Variants in ARMC3 observed in about 807,000 individuals in gnomAD.
The protein encoded by ARMC3 is armadillo repeat-containing protein 3.
ARMC3 carries 74 observed loss-of-function variants against 90.3 expected under a neutral mutation model. That is an observed-to-expected ratio of 0.82 (90% CI 0.68 to 0.99). The LOEUF is 0.99. ARMC3 is among the 50% of genes least tolerant of loss of function. The pLI, the probability that ARMC3 is intolerant of heterozygous loss-of-function variation, is 0.00. For missense variants in ARMC3, 958 were observed against 1,042.8 expected, an observed-to-expected ratio of 0.92 and a Z score of 1.12; for synonymous variants, 334 against 361.8, an observed-to-expected ratio of 0.92 and a Z score of 0.87.
In ARMC3 at chr10:22,987,843, C is replaced by G. The variant is rs116201041; in HGVS notation, c.1175+6143C>G. Among the ~76,000 whole-genome samples, 1,402 of 152,262 alleles carry G rather than the reference C, an allele frequency of 9.2e-3. 28 individuals are homozygous for G. Among genetic ancestry groups the G allele is most frequent in the African/African-American group, 0.032 (1,327 of 41,552 alleles). On this transcript the variant is annotated intron_variant, in intron 10 of 18. Coordinates refer to ENST00000298032, the MANE Select transcript of ARMC3 (RefSeq NM_173081.5). ...ATGACAGCAGTGACCCAAGAAAGTT[C>G]TAAATGTTAGCACATATAGTGGTGA...
rs1835209611 is a variant in ARMC3 at position 22,961,870 on chromosome 10, G to C, written c.538-14G>C. On this transcript the variant is annotated splice_polypyrimidine_tract_variant and intron_variant, in intron 6 of 18. Coordinates refer to ENST00000298032, the MANE Select transcript of ARMC3 (RefSeq NM_173081.5). ...TGCTTAAAAAAATTATTGATCATCT[G>C]TATTTTGTGGCAGGATTTTCAGTGT... 1 of 1,578,664 alleles carries C rather than the reference G, an allele frequency of 6.3e-7. No individual in the cohort carries two copies.
At chr10:22,937,679 G>A (rs1834165312) in intron 2 of ARMC3, among the ~76,000 whole-genome samples, 1 of 152,140 alleles carries the variant, frequency 6.6e-6, no homozygotes, top group South Asian at 2.1e-4. Context: ...AAAGCCTACT[G>A]ATAGCTCCAT....
chr10:23,001,504 A>G (rs1042923000), intron 11 of ARMC3, among the ~76,000 whole-genome samples: 5 of 152,048 alleles, frequency 3.3e-5, no homozygotes, highest in Non-Finnish European at 1.5e-5. Flanking sequence ...CCATCTCAAG[A>G]CCCTTAATCA....
chr10:22,973,894 G>A (rs1371662834), intron 8 of ARMC3, among the ~76,000 whole-genome samples: 2 of 151,184 alleles, frequency 1.3e-5, no homozygotes, highest in Admixed American at 1.3e-4. Flanking sequence ...TAGTAGCTGG[G>A]TCTACAGGTG....
chr10:22,986,529 GCAA>G (rs1836450435), intron 10 of ARMC3, among the ~76,000 whole-genome samples: 1 of 140,032 alleles, frequency 7.1e-6, no homozygotes, highest in Non-Finnish European at 1.5e-5. Context: ...TCCAGCTTGG[GCAA>G]CAGAGTGAGA....
chr10:22,929,797 C>T lies in ARMC3; in HGVS notation c.-2+1691C>T, dbSNP rs149789061. On this transcript the variant is annotated intron_variant, in intron 1 of 18. Transcript: ENST00000298032. ...AGCTCCTGACCTCAGGTGATCCACC[C>T]GCCTCAGCCTCCCAAAGTGCTGGGA... 8.7e-3 allele frequency among the ~76,000 whole-genome samples: 1,332 copies of T among 152,236 alleles called. 21 individuals are homozygous for T. Among genetic ancestry groups the T allele is most frequent in the African/African-American group, 0.03 (1,247 of 41,530 alleles).
intron 2 of ARMC3, among the ~76,000 whole-genome samples, chr10:22,945,924 C>T (rs1302985140): frequency 6.6e-6 from 1 of 152,208 alleles, no homozygotes; most frequent in Non-Finnish European, 1.5e-5. Flanking sequence ...GATTCCAAAA[C>T]ATTTGGCTCT....
chr10:22,944,235 G>C (rs1447560099), intron 2 of ARMC3, among the ~76,000 whole-genome samples: 1 of 152,170 alleles, frequency 6.6e-6, no homozygotes, highest in Non-Finnish European at 1.5e-5. Context: ...GTCAGGAGAA[G>C]GAAAGGTATA....
chr10:22,998,330 C>G lies in ARMC3; in HGVS notation c.1358C>G (p.Thr453Arg), dbSNP rs1241055505. The G allele has an allele frequency of 1.2e-6, 2 of 1,613,792 alleles. No homozygotes were observed. The highest frequency in any genetic ancestry group is 1.7e-6 in the Non-Finnish European group (2 of 1,179,848). ...AIISPLRSAN[T>R]VVQSKAALAV... is the part of the protein sequence containing the mutation. ...ATCAGCCCACTGCGTTCTGCAAACACAGTCGTGCAGAGCAAAGCTGCTCTC... is the reference window on the plus strand; with the variant it reads ...ATCAGCCCACTGCGTTCTGCAAACAGAGTCGTGCAGAGCAAAGCTGCTCTC... Residue 453 changes from threonine (T) to arginine (R), a missense_variant, in exon 11 of 19, where the codon ACA becomes AGA. Thr to Arg is a moderately conservative substitution (Grantham distance 71). Transcript: ENST00000298032.
chr10:22,941,543 C>A (rs367578024), intron 2 of ARMC3, among the ~76,000 whole-genome samples: 1 of 151,938 alleles, frequency 6.6e-6, no homozygotes, highest in African/African-American at 2.4e-5. Context: ...CTATTCTTAG[C>A]GTCTGGCACT....
chr10:22,974,054 G>A (rs1045810370), intron 8 of ARMC3, among the ~76,000 whole-genome samples: 4 of 151,860 alleles, frequency 2.6e-5, no homozygotes, highest in Non-Finnish European at 4.4e-5. Flanking sequence ...CACCGCGGTC[G>A]GCCTTTCTCT....
intron 16 of ARMC3, among the ~76,000 whole-genome samples, chr10:23,023,922 G>C (rs1178197018): frequency 2.6e-5 from 4 of 152,118 alleles, no homozygotes; most frequent in Non-Finnish European, 4.4e-5. Flanking sequence ...AGAGGGTAGG[G>C]CTGAAAGAGT....
chr10:22,944,627 T>C (rs1834453959), intron 2 of ARMC3, among the ~76,000 whole-genome samples: 1 of 152,186 alleles, frequency 6.6e-6, no homozygotes, highest in African/African-American at 2.4e-5. Flanking sequence ...AAAAAAACCA[T>C]GGTCAGTGAG....
chr10:22,989,796 C>T (rs1836625980), intron 10 of ARMC3, among the ~76,000 whole-genome samples: 1 of 152,196 alleles, frequency 6.6e-6, no homozygotes, highest in South Asian at 2.1e-4. Context: ...AGCCTAGATT[C>T]CTCCCTGTCT....
At chr10:23,013,132 C>T (rs1403796507) in intron 16 of ARMC3, among the ~76,000 whole-genome samples, 1 of 152,134 alleles carries the variant, frequency 6.6e-6, no homozygotes, top group Admixed American at 6.5e-5. Flanking sequence ...CTCCTGGCCT[C>T]ACGTGATCTG....
intron 11 of ARMC3, among the ~76,000 whole-genome samples, chr10:23,001,308 C>T (rs1432591198): frequency 6.6e-6 from 1 of 152,228 alleles, no homozygotes; most frequent in East Asian, 1.9e-4. Context: ...TATGTCCTTG[C>T]CCTTTCAGCT....
chr10:22,968,284 T>C (rs1278583330), intron 7 of ARMC3, 22 bp from the exon 8 acceptor site: 1 of 1,604,370 alleles, frequency 6.2e-7, no homozygotes, highest in African/African-American at 1.3e-5. Flanking sequence ...CTTTCTAAAG[T>C]TGTATTTGCT....
At chr10:23,010,277 TCC>T (rs1564393397) in intron 16 of ARMC3, among the ~76,000 whole-genome samples, 5 of 133,338 alleles carry the variant, frequency 3.7e-5, no homozygotes, top group Non-Finnish European at 8.0e-5. Context: ...TCCCTTCCCT[TCC>T]CTCTCTTTCC....
intron 2 of ARMC3, among the ~76,000 whole-genome samples, chr10:22,941,086 T>G (rs1332127945): frequency 1.3e-5 from 2 of 152,072 alleles, no homozygotes; most frequent in African/African-American, 4.8e-5. Flanking sequence ...GAAAGAAGCG[T>G]ACACAAAGGG....
Sources: allele counts gnomAD v4.1 joint callset (sites outside exome capture counted in the v4.1 genomes callset), GRCh38; gene constraint gnomAD v4.1.1; transcripts MANE v1.5; gene names NCBI Gene and HGNC (gene_info 2026-07-23, HGNC 2026-07-21).